The following INPP5A variants were observed in gnomAD, a reference collection of about 807,000 sequenced individuals.
INPP5A encodes the protein inositol polyphosphate-5-phosphatase A.
A neutral mutation model predicts 65.2 loss-of-function variants in INPP5A; 14 were observed. The observed-to-expected ratio is 0.21, with a 90% CI of 0.14 to 0.34. The LOEUF is 0.34. Ranked by LOEUF, INPP5A falls within the 10% of genes least tolerant of loss-of-function variation. INPP5A has a pLI of 1.00. For missense variants in INPP5A, 431 were observed against 545.6 expected (o/e 0.79, Z 2.09); for synonymous variants, 207 against 208.3 (o/e 0.99, Z 0.05).
At chr10:132,708,454 G>C in intron 7 of INPP5A, 89 bp downstream of exon 7, 1 of 1,302,620 alleles carries the variant, frequency 7.7e-7, no homozygotes, top group East Asian at 2.3e-5. Flanking sequence ...CACCTCATTG[G>C]AGGCTCTACT....
chr10:132,668,837 C>T (rs913547590), intron 4 of INPP5A, among the ~76,000 whole-genome samples: 2 of 152,122 alleles, frequency 1.3e-5, no homozygotes, highest in Admixed American at 1.3e-4. Flanking sequence ...TAAAAACTGC[C>T]GAGCTCCATC....
Position 132,698,953 on chromosome 10 carries a change from T to G in INPP5A, c.474+1034T>G, listed in dbSNP as rs1845390202. On this transcript the variant is annotated intron_variant, in intron 6 of 15. Coordinates refer to ENST00000368594, the MANE Select transcript of INPP5A (RefSeq NM_005539.5). This position sits in a 1 kb window ranked among gnomAD's most constrained non-coding sequence, Gnocchi z 5.5. ...GAAGGATGGGGTGCTCCTGTCACCCTGTGGCTCGGCCTCCTCATCCGTCTT... is the reference window on the plus strand; with the variant it reads ...GAAGGATGGGGTGCTCCTGTCACCCGGTGGCTCGGCCTCCTCATCCGTCTT... Among the ~76,000 whole-genome samples, 1 of 152,242 alleles carries G rather than the reference T, an allele frequency of 6.6e-6. No individual in the cohort carries two copies. Among genetic ancestry groups the G allele is most frequent in the South Asian group, 2.1e-4 (1 of 4,834 alleles).
chr10:132,760,447 A>G (rs1372979259), intron 11 of INPP5A, among the ~76,000 whole-genome samples: 1 of 152,234 alleles, frequency 6.6e-6, no homozygotes, highest in African/African-American at 2.4e-5. Flanking sequence ...CCTCATTGCA[A>G]GAGGCCATCT....
chr10:132,694,478 C>T (rs1263525195), intron 5 of INPP5A, among the ~76,000 whole-genome samples: 1 of 151,842 alleles, frequency 6.6e-6, no homozygotes, highest in East Asian at 1.9e-4. Flanking sequence ...ATTATCTAAG[C>T]TTCTACCTTA....
At chr10:132,661,344 A>C (rs920347445) in intron 4 of INPP5A, among the ~76,000 whole-genome samples, 3 of 152,242 alleles carry the variant, frequency 2.0e-5, no homozygotes, top group Non-Finnish European at 4.4e-5. Flanking sequence ...TTATGTCTTC[A>C]GAATCTCTTT....
At chr10:132,593,810 G>A (rs1456588900) in intron 1 of INPP5A, among the ~76,000 whole-genome samples, 4 of 152,086 alleles carry the variant, frequency 2.6e-5, no homozygotes, top group African/African-American at 9.7e-5. Flanking sequence ...TCTGGGCTTC[G>A]TGGATCTGTG....
At chr10:132,768,880 C>A (rs562296129) in intron 12 of INPP5A, among the ~76,000 whole-genome samples, 1 of 152,368 alleles carries the variant, frequency 6.6e-6, no homozygotes, top group South Asian at 2.1e-4. Context: ...ACAGTCCCCG[C>A]CCTGGTTTTG....
At chr10:132,563,859 T>G (rs1243975943) in intron 1 of INPP5A, among the ~76,000 whole-genome samples, 1 of 152,186 alleles carries the variant, frequency 6.6e-6, no homozygotes, top group Non-Finnish European at 1.5e-5. Context: ...GGGGGCCGGT[T>G]GCCAGGGAGG....
chr10:132,553,259 GATTGGTGA>G (rs2071078472), intron 1 of INPP5A, among the ~76,000 whole-genome samples: 2 of 113,222 alleles, frequency 1.8e-5, no homozygotes, highest in Admixed American at 1.6e-4. Context: ...AGGGAGGGAG[GATTGGTGA>G]ACGCCTTCTC....
At position 132,617,363 on chromosome 10, in the gene INPP5A, G is replaced by T. The variant is rs188326405; in HGVS notation, c.117+9407G>T. Among the ~76,000 whole-genome samples, 14 of 152,314 alleles carry T rather than the reference G, an allele frequency of 9.2e-5. No individual in the cohort carries two copies. In the East Asian group the frequency reaches 2.7e-3, roughly 29 times the overall value. Reference sequence around the variant, plus strand: ...GCCTCCTGGTCTGATCTAAGGACAAGAAGCTTTCCCTCCGGTGACTGCAGG... The same window carrying T: ...GCCTCCTGGTCTGATCTAAGGACAATAAGCTTTCCCTCCGGTGACTGCAGG... On this transcript the variant is annotated intron_variant, in intron 2 of 15. Coordinates refer to ENST00000368594, the MANE Select transcript of INPP5A (RefSeq NM_005539.5).
In INPP5A at chr10:132,581,129, A is replaced by G. The variant is rs185561852; in HGVS notation, c.76-26786A>G. 5.3e-5 allele frequency among the ~76,000 whole-genome samples: 8 copies of G among 152,282 alleles called. No homozygotes were observed. In the South Asian group the frequency reaches 6.2e-4, roughly 12 times the overall value. On this transcript the variant is annotated intron_variant, in intron 1 of 15. Coordinates refer to ENST00000368594, the MANE Select transcript of INPP5A (RefSeq NM_005539.5). ...CCACATTCACAGATGCCCTCTCTCC[A>G]TATGGCTTCAGTCTCTTGCCAGACA...
At position 132,766,101 on chromosome 10, in the gene INPP5A, AGTGCATCTGTGTGTGCACCT is replaced by A. The variant is rs1359488657; in HGVS notation, c.977+274_977+293del. On this transcript the variant is annotated intron_variant, in intron 12 of 15. Coordinates refer to ENST00000368594, the MANE Select transcript of INPP5A (RefSeq NM_005539.5). Reference sequence around the variant, plus strand: ...ACATGTGCACGAGTGTGTGTGCACGAGTGCATCTGTGTGTGCACCTGTGCATCTGTGTGTGCACGTGTGCA... The same window carrying A: ...ACATGTGCACGAGTGTGTGTGCACGAGTGCATCTGTGTGTGCACGTGTGCA... Among the ~76,000 whole-genome samples the A allele has an allele frequency of 3.8e-4, 57 of 151,198 alleles. No homozygotes were observed. In the East Asian group the frequency reaches 4.5e-3, roughly 12 times the overall value.
chr10:132,677,465 G>C (rs982694557), intron 4 of INPP5A, among the ~76,000 whole-genome samples: 9 of 152,380 alleles, frequency 5.9e-5, no homozygotes, highest in African/African-American at 1.9e-4. Context: ...CAGCAAGGGT[G>C]GGTGTCCTTA....
At chr10:132,774,864 G>GA (rs71013560) in intron 12 of INPP5A, among the ~76,000 whole-genome samples, 1,019 of 72,936 alleles carry the variant, frequency 0.014, 19 homozygotes, top group Non-Finnish European at 0.024. Context: ...CGGGCAGGGA[G>GA]GAGGGGCAGG....
chr10:132,548,651 C>T (rs954824388), intron 1 of INPP5A, among the ~76,000 whole-genome samples: 11 of 152,312 alleles, frequency 7.2e-5, no homozygotes, highest in South Asian at 2.1e-4. Flanking sequence ...CTTTCTGTCC[C>T]GCCAGTTTCG....
chr10:132,772,398 G>A (rs1385929663), intron 12 of INPP5A, among the ~76,000 whole-genome samples: 33 of 113,558 alleles, frequency 2.9e-4, no homozygotes, highest in African/African-American at 6.7e-4. Context: ...CGGAGGCCAC[G>A]GCAGCCACCC....
Position 132,547,130 on chromosome 10 carries a change from G to C in INPP5A, c.75+8959G>C, listed in dbSNP as rs549003801. On this transcript the variant is annotated intron_variant, in intron 1 of 15. Transcript: ENST00000368594. The surrounding 1 kb of genome is among the most constrained non-coding windows in gnomAD (Gnocchi z 5.5). ...GCCAGGCCACAGTCCAGGTTCACGTGGATGCGGGGCAGGCCCCACCTCTCC... is the reference window on the plus strand; with the variant it reads ...GCCAGGCCACAGTCCAGGTTCACGTCGATGCGGGGCAGGCCCCACCTCTCC... 2.7e-4 allele frequency among the ~76,000 whole-genome samples: 41 copies of C among 152,366 alleles called. No homozygotes were observed. Among genetic ancestry groups the C allele is most frequent in the African/African-American group, 9.4e-4 (39 of 41,592 alleles).
intron 4 of INPP5A, among the ~76,000 whole-genome samples, chr10:132,683,292 C>T (rs1045999707): frequency 2.7e-5 from 4 of 149,502 alleles, no homozygotes; most frequent in South Asian, 2.1e-4. Flanking sequence ...CACGTGCACA[C>T]GTGTGTGTTA....
intron 2 of INPP5A, among the ~76,000 whole-genome samples, chr10:132,643,042 G>C (rs1452842453): frequency 6.6e-6 from 1 of 152,184 alleles, no homozygotes; most frequent in Non-Finnish European, 1.5e-5. Context: ...ATTTTCCTCA[G>C]TTGTTTATTT....
Sources: allele counts gnomAD v4.1 joint callset (sites outside exome capture counted in the v4.1 genomes callset), GRCh38; gene constraint gnomAD v4.1.1; non-coding constraint Gnocchi (gnomAD v3.1); transcripts MANE v1.5; gene names NCBI Gene and HGNC (gene_info 2026-07-23, HGNC 2026-07-21).